The following NCOR2 variants were observed in gnomAD, a reference collection of about 807,000 sequenced individuals.
NCOR2 encodes CTG repeat protein 26.
NCOR2 carries 81 observed loss-of-function variants against 262.9 expected under a neutral mutation model. That is an observed-to-expected ratio of 0.31 (90% confidence interval 0.26 to 0.37). The LOEUF is 0.37. NCOR2 is among the 10% of genes least tolerant of loss of function. NCOR2 has a pLI of 1.00. For missense variants in NCOR2, 3,385 were observed against 3,621.4 expected, an observed-to-expected ratio of 0.93 and a Z score of 1.68; for synonymous variants, 1,659 against 1,559.3, an observed-to-expected ratio of 1.06 and a Z score of -1.51.
At chr12:124,452,936 C>T (rs2045636164) in intron 6 of NCOR2, among the ~76,000 whole-genome samples, 1 of 152,138 alleles carries the variant, frequency 6.6e-6, no homozygotes, top group Non-Finnish European at 1.5e-5. Flanking sequence ...CCCTGGGAGG[C>T]ACTCACCAGC....
chr12:124,432,697 T>A lies in NCOR2; in HGVS notation c.883-1910A>T, dbSNP rs2044036465. On this transcript the variant is annotated intron_variant, in intron 8 of 46. Coordinates refer to ENST00000405201, the Ensembl canonical transcript of NCOR2. The surrounding 1 kb of genome is among the most constrained non-coding windows in gnomAD (Gnocchi z 5.1). ...GACCAGCTGTGAGGACCCCAGCAGC[T>A]CCCAGAGAGGGGGCTCTGCCTTCCC... 6.6e-6 allele frequency among the ~76,000 whole-genome samples: 1 copy of A among 152,132 alleles called. No individual in the cohort carries two copies. The highest frequency in any genetic ancestry group is 1.5e-5 in the Non-Finnish European group (1 of 68,014).
chr12:124,559,586 G>T (rs1182556692), intron 1 of NCOR2, among the ~76,000 whole-genome samples: 1 of 152,188 alleles, frequency 6.6e-6, no homozygotes, highest in Non-Finnish European at 1.5e-5. Context: ...TGCAACAAGT[G>T]TTTTCCTTTG....
Position 124,440,549 on chromosome 12 carries a change from G to C in NCOR2, c.816-2553C>G, listed in dbSNP as rs920583294. Among the ~76,000 whole-genome samples, 4 of 152,218 alleles carry C rather than the reference G, an allele frequency of 2.6e-5. No individual in the cohort carries two copies. Among genetic ancestry groups the C allele is most frequent in the Non-Finnish European group, 5.9e-5 (4 of 68,044 alleles). On this transcript the variant is annotated intron_variant, in intron 7 of 46. Transcript: ENST00000405201. The surrounding 1 kb of genome is among the most constrained non-coding windows in gnomAD (Gnocchi z 5.7). ...CTCAGTTTCCTCATCTGAAATCTAT[G>C]GCATCGCAGCCTCATCTTCTGTTAT...
In NCOR2 at chr12:124,343,067, C is replaced by T. The variant is rs778680158; in HGVS notation, c.4874G>A (p.Arg1625His). 21 of 1,612,142 alleles carry T rather than the reference C, an allele frequency of 1.3e-5. No individual in the cohort carries two copies. Among genetic ancestry groups the T allele is most frequent in the African/African-American group, 4.0e-5 (3 of 74,902 alleles). ...GTCGAAGGCCAGGGGGATGTGGCTG[C>T]GATACAGGTCCACGCCACTCACGCC... Residue 1625 changes from arginine (R) to histidine (H), a missense_variant, in exon 33 of 47, where the codon CGC becomes CAC. Transcript: ENST00000405201.
chr12:124,494,275 A>T (rs2048259067), intron 1 of NCOR2, among the ~76,000 whole-genome samples: 1 of 151,924 alleles, frequency 6.6e-6, no homozygotes, highest in Non-Finnish European at 1.5e-5. Context: ...GGTCAGCTTC[A>T]CTCCAGCTGT....
chr12:124,374,637 C>T (rs976265651), intron 18 of NCOR2, among the ~76,000 whole-genome samples, 174 bp from the exon 21 acceptor site: 1 of 152,262 alleles, frequency 6.6e-6, no homozygotes, highest in Admixed American at 6.5e-5. Context: ...AGCCCTCTCC[C>T]TCTGGGCTCT....
intron 10 of NCOR2, 88 bp from the exon 13 acceptor site, chr12:124,426,888 G>A (rs918909309): frequency 3.0e-6 from 4 of 1,313,870 alleles, no homozygotes; most frequent in East Asian, 2.4e-5. Flanking sequence ...CAGAGGGGAC[G>A]GATGGTCTGC....
At chr12:124,484,041 G>A (rs2047645003) in intron 2 of NCOR2, among the ~76,000 whole-genome samples, 1 of 152,034 alleles carries the variant, frequency 6.6e-6, no homozygotes, top group Non-Finnish European at 1.5e-5. Flanking sequence ...CAGAGTGACT[G>A]CCCCTCCCTT....
rs79075254 is a variant in NCOR2, at chr12:124,549,498, G to A, written c.-164-13887C>T. On this transcript the variant is annotated intron_variant, in intron 1 of 32. Transcript: ENST00000458234. The surrounding 1 kb of genome is among the most constrained non-coding windows in gnomAD (Gnocchi z 4.4). ...CCCCCTGCAGTAGAAACCCCCACCC[G>A]CGAGGCCAGGCACAGAGAAGGTACC... is the stretch of plus-strand genomic sequence containing the variant. Among the ~76,000 whole-genome samples, 7,902 of 151,990 alleles carry A rather than the reference G, an allele frequency of 0.052. 275 individuals are homozygous for A. The highest frequency in any genetic ancestry group is 0.1 in the East Asian group (521 of 5,158).
chr12:124,530,408 C>T (rs2050716921), intron 1 of NCOR2, among the ~76,000 whole-genome samples: 3 of 152,092 alleles, frequency 2.0e-5, no homozygotes, highest in African/African-American at 7.2e-5. Flanking sequence ...TGTCAAAACA[C>T]ATGCAATTGA....
intron 10 of NCOR2, 73 bp downstream of exon 12, chr12:124,429,540 G>T: frequency 6.7e-7 from 1 of 1,484,194 alleles, no homozygotes; most frequent in East Asian, 2.5e-5. Flanking sequence ...GTGGTTTCTG[G>T]CTAGGGCCTC....
At chr12:124,361,573 T>C (rs2038595079) in intron 22 of NCOR2, among the ~76,000 whole-genome samples, 1 of 152,202 alleles carries the variant, frequency 6.6e-6, no homozygotes, top group Non-Finnish European at 1.5e-5. Flanking sequence ...CCCCCAACCC[T>C]GGCTCCTGGT....
chr12:124,350,848 G>T, intron 27 of NCOR2, 111 bp from the exon 30 acceptor site: 1 of 1,113,036 alleles, frequency 9.0e-7, no homozygotes, highest in Non-Finnish European at 1.3e-6. Flanking sequence ...ATGCACACGC[G>T]TGTCCACACA....
intron 7 of NCOR2, among the ~76,000 whole-genome samples, chr12:124,447,043 T>C (rs1378823384): frequency 1.3e-5 from 2 of 152,160 alleles, no homozygotes; most frequent in African/African-American, 4.8e-5. Flanking sequence ...ACCTCCTGAG[T>C]AGCTGGGACT....
At chr12:124,368,511 C>T (rs1201520344) in intron 20 of NCOR2, among the ~76,000 whole-genome samples, 2 of 152,214 alleles carry the variant, frequency 1.3e-5, no homozygotes, top group Non-Finnish European at 2.9e-5. Context: ...CACTTCCACC[C>T]GTGGGGCCTG....
At chr12:124,358,519 C>T (rs1364323411) in intron 22 of NCOR2, among the ~76,000 whole-genome samples, 1 of 152,206 alleles carries the variant, frequency 6.6e-6, no homozygotes, top group Non-Finnish European at 1.5e-5. Context: ...CTGAGTGGTA[C>T]TCAGCACAGG....
At chr12:124,492,237 A>G (rs2048124005) in intron 1 of NCOR2, among the ~76,000 whole-genome samples, 1 of 152,016 alleles carries the variant, frequency 6.6e-6, no homozygotes, top group African/African-American at 2.4e-5. Context: ...AGAGATGACT[A>G]CCCCGCGCTT....
Position 124,343,202 on chromosome 12 carries a change from G to C in NCOR2, c.4739C>G (p.Ser1580Cys), listed in dbSNP as rs1331717285. The C allele has an allele frequency of 6.2e-7, 1 of 1,609,040 alleles. No homozygotes were observed. The highest frequency in any genetic ancestry group is 8.5e-7 in the Non-Finnish European group (1 of 1,176,668). ...CGTCGACGTCAGCTTTCGGTCCTGG[G>C]ATGCCTTGCTGGACGAAAGGCTGCC... Residue 1580 changes from serine (S) to cysteine (C), a missense_variant, in exon 33 of 47, where the codon TCC (serine) becomes TGC (cysteine). Ser to Cys is a moderately radical substitution (Grantham distance 112). Coordinates refer to ENST00000405201, the Ensembl canonical transcript of NCOR2.
intron 1 of NCOR2, among the ~76,000 whole-genome samples, chr12:124,558,079 G>A (rs1057504318): frequency 9.9e-5 from 15 of 152,176 alleles, no homozygotes; most frequent in Admixed American, 7.2e-4. Flanking sequence ...CATGGTCACC[G>A]AGACACTATA....
Sources: allele counts gnomAD v4.1 joint callset (sites outside exome capture counted in the v4.1 genomes callset), GRCh38; gene constraint gnomAD v4.1.1; non-coding constraint Gnocchi (gnomAD v3.1); transcripts MANE v1.5; gene names NCBI Gene and HGNC (gene_info 2026-07-23, HGNC 2026-07-21).